The following SLC2A3 variants were observed in gnomAD, a reference collection of about 807,000 sequenced individuals.
SLC2A3 encodes solute carrier family 2, facilitated glucose transporter member 3.
A neutral mutation model predicts 46.4 loss-of-function variants in SLC2A3; 21 were observed. The ratio of observed to expected loss-of-function variants is 0.45; its 90% confidence interval spans 0.32 to 0.65. The LOEUF (loss-of-function observed/expected upper bound fraction) is 0.65. SLC2A3 is among the 30% of genes least tolerant of loss of function. SLC2A3 has a pLI of 0.04. For synonymous variants in SLC2A3, 213 were observed against 239.4 expected (o/e 0.89, Z 1.02); for missense variants, 499 against 623.3 (o/e 0.80, Z 2.12).
Position 7,920,544 on chromosome 12 carries a change from C to G in SLC2A3, c.*869G>C, listed in dbSNP as rs1946026162. On this transcript the variant is annotated 3_prime_UTR_variant, in exon 10 of 10. Coordinates refer to ENST00000075120, the MANE Select transcript of SLC2A3 (RefSeq NM_006931.3). Reference sequence around the variant, plus strand: ...AACTATTATCTTAAAGAAAAAAGCTCCAAAGGAAATCAGTAGCTTTATTAT... The same window carrying G: ...AACTATTATCTTAAAGAAAAAAGCTGCAAAGGAAATCAGTAGCTTTATTAT... 1 of 152,024 alleles carries G rather than the reference C, an allele frequency of 6.6e-6. No individual in the cohort carries two copies. The highest frequency in any genetic ancestry group is 6.6e-5 in the Admixed American group (1 of 15,244). 9.4% of individuals were successfully genotyped at this position (152,024 alleles called of 1,614,324 possible). A position where few individuals can be genotyped will look rare whatever the true frequency, so the allele number is the denominator to read the frequency against.
rs772073924 is a variant in SLC2A3 at position 7,921,393 on chromosome 12, G to C, written c.*20C>G. ...GAGGTGGCTTTCCCATGCCGGGAGG[G>C]AGGTGGAAGGAGGCACGACTTAGAC... On this transcript the variant is annotated 3_prime_UTR_variant, in exon 10 of 10. Coordinates refer to ENST00000075120, the MANE Select transcript of SLC2A3 (RefSeq NM_006931.3). 10 of 1,613,876 alleles carry C rather than the reference G, an allele frequency of 6.2e-6. No individual in the cohort carries two copies. The highest frequency in any genetic ancestry group is 3.3e-5 in the Admixed American group (2 of 60,002).
Position 7,928,533 on chromosome 12 carries a change from C to T in SLC2A3, c.861+1151G>A, listed in dbSNP as rs184864540. On this transcript the variant is annotated intron_variant, in intron 6 of 9. Coordinates refer to ENST00000075120, the MANE Select transcript of SLC2A3 (RefSeq NM_006931.3). ...TTGCAGGGCCTGGACTGTGGTGAGG[C>T]AGCTAGGGAGTTGCCTCAGGTGCAT... 2.6e-5 allele frequency among the ~76,000 whole-genome samples: 4 copies of T among 152,144 alleles called. No homozygotes were observed. In the East Asian group the frequency reaches 5.8e-4, roughly 22 times the overall value.
chr12:7,922,174 G>C (rs773805690), intron 9 of SLC2A3, among the ~76,000 whole-genome samples: 1 of 152,004 alleles, frequency 6.6e-6, no homozygotes, highest in Non-Finnish European at 1.5e-5. Flanking sequence ...GTGTGCTACC[G>C]CAATGGTGTG....
Position 7,919,667 on chromosome 12 carries a change from T to G in SLC2A3, c.*1746A>C, listed in dbSNP as rs1371204927. ...GAACCCCTGACCGCCCGCCTAGGCC[T>G]CCCAAAGTGCTGGGATTACAGGCGT... On this transcript the variant is annotated 3_prime_UTR_variant, in exon 10 of 10. Transcript: ENST00000075120. 2 of 152,222 alleles carry G rather than the reference T, an allele frequency of 1.3e-5. No homozygotes were observed. The highest frequency in any genetic ancestry group is 2.9e-5 in the Non-Finnish European group (2 of 68,100). 9.4% of individuals were successfully genotyped at this position (152,222 alleles called of 1,614,324 possible).
intron 6 of SLC2A3, among the ~76,000 whole-genome samples, chr12:7,926,842 T>C (rs1431308531): frequency 3.3e-5 from 5 of 152,294 alleles, no homozygotes; most frequent in Middle Eastern, 3.4e-3. Flanking sequence ...TAATACCAGC[T>C]ACTAATGCAA....
At chr12:7,930,729 C>T in intron 4 of SLC2A3, 87 bp from the exon 5 acceptor site, 1 of 1,342,120 alleles carries the variant, frequency 7.5e-7, no homozygotes, top group South Asian at 1.5e-5. Context: ...GAAAATCATA[C>T]ATTCTTTTAC....
Position 7,922,791 on chromosome 12 carries a change from C to T in SLC2A3, c.1272+30G>A, listed in dbSNP as rs201229664. 17 of 1,613,346 alleles carry T rather than the reference C, an allele frequency of 1.1e-5. 1 individual carries two copies. The Admixed American group carries it at 1.7e-4, about 16-fold the overall frequency. ...GTATCTTCATGTCAGCTTACATAGG[C>T]TGGTTTTAAGATAAGGTGAGTTTAC... On this transcript the variant is annotated intron_variant, in intron 9 of 9. Coordinates refer to ENST00000075120, the MANE Select transcript of SLC2A3 (RefSeq NM_006931.3).
At position 7,920,293 on chromosome 12, in the gene SLC2A3, T is replaced by C. The variant is rs772136179; in HGVS notation, c.*1120A>G. The stretch of plus-strand genomic sequence containing the variant: ...AATCTCTACCAAGAACCAATTATTT[T>C]AGGTTTCTTATTTGGATGGCTCTCC... On this transcript the variant is annotated 3_prime_UTR_variant, in exon 10 of 10. Coordinates refer to ENST00000075120, the MANE Select transcript of SLC2A3 (RefSeq NM_006931.3). 4 of 152,050 alleles carry C rather than the reference T, an allele frequency of 2.6e-5. No individual in the cohort carries two copies. Among genetic ancestry groups the C allele is most frequent in the African/African-American group, 4.8e-5 (2 of 41,332 alleles). 9.4% of individuals were successfully genotyped at this position (152,050 alleles called of 1,614,324 possible).
At chr12:7,928,588 A>T (rs1187341936) in intron 6 of SLC2A3, among the ~76,000 whole-genome samples, 1 of 151,768 alleles carries the variant, frequency 6.6e-6, no homozygotes, top group Non-Finnish European at 1.5e-5. Flanking sequence ...TCTTTTTTTA[A>T]ACAGGCACAG....
At chr12:7,927,929 A>G (rs1424709020) in intron 6 of SLC2A3, among the ~76,000 whole-genome samples, 1 of 151,794 alleles carries the variant, frequency 6.6e-6, no homozygotes, top group Admixed American at 6.6e-5. Context: ...CTCTACTAAA[A>G]ATACGAAAAA....
At position 7,933,821 on chromosome 12, in the gene SLC2A3, C is replaced by G. The variant is rs780728691; in HGVS notation, c.97G>C (p.Ala33Pro). The G allele has an allele frequency of 1.9e-6, 3 of 1,613,564 alleles. No homozygotes were observed. The highest frequency in any genetic ancestry group is 2.5e-6 in the Non-Finnish European group (3 of 1,179,598). Reference sequence around the variant, plus strand: ...GGCCTGGCACTCACCTTCTCAGGAGCATTGATGACCCCAGTGTTGTAGCCA... The same window carrying G: ...GGCCTGGCACTCACCTTCTCAGGAGGATTGATGACCCCAGTGTTGTAGCCA... ...QFGYNTGVIN[A>P]PEKIIKEFIN... is the part of the protein sequence containing the mutation. Residue 33 changes from alanine (A) to proline (P), a missense_variant, in exon 2 of 10, where the codon GCT (alanine) becomes CCT (proline). Around this residue, in one of 5 missense-constraint regions of SLC2A3, gnomAD observed 248 missense variants for 284.0 expected, o/e 0.87. Transcript: ENST00000075120.
In SLC2A3 at chr12:7,924,505, G is replaced by A. The variant is rs1946074060; in HGVS notation, c.973C>T (p.Leu325=). The A allele has an allele frequency of 2.5e-6, 4 of 1,595,502 alleles. No individual in the cohort carries two copies. The highest frequency in any genetic ancestry group is 8.5e-7 in the Non-Finnish European group (1 of 1,174,140). ...GTCCTTCTTCCTGCCCTTTCCACCA[G>A]AAATAGCTGGAAGAAGAATATGACA... The part of the protein sequence containing the change: ...NTIFTVVSLF[L]VERAGRRTLH... Residue 325 remains leucine (L), a synonymous_variant, in exon 8 of 10, where the codon CTG becomes TTG. Transcript: ENST00000075120.
At chr12:7,928,407 AAG>A (rs1946117382) in intron 6 of SLC2A3, among the ~76,000 whole-genome samples, 1 of 151,924 alleles carries the variant, frequency 6.6e-6, no homozygotes, top group Admixed American at 6.6e-5. Flanking sequence ...CAAAAAAAAA[AAG>A]AATGTACACA....
chr12:7,929,953 G>T (rs2121194150), intron 5 of SLC2A3, 82 bp from the exon 6 acceptor site: 6 of 1,584,132 alleles, frequency 3.8e-6, no homozygotes, highest in African/African-American at 2.7e-5. Context: ...GCCAGGAAAG[G>T]GCCGCACGAG....
chr12:7,922,322 C>T (rs989096290), intron 9 of SLC2A3, among the ~76,000 whole-genome samples: 22 of 152,104 alleles, frequency 1.4e-4, no homozygotes, highest in African/African-American at 4.8e-4. Context: ...GCCTAGGCCT[C>T]TCAAAGTGCT....
At chr12:7,932,175 G>A (rs1946163050) in intron 3 of SLC2A3, among the ~76,000 whole-genome samples, 3 of 150,702 alleles carry the variant, frequency 2.0e-5, no homozygotes, top group African/African-American at 7.3e-5. Context: ...CCACGGCACC[G>A]GCTTTTTTTT....
intron 8 of SLC2A3, among the ~76,000 whole-genome samples, chr12:7,923,927 C>G (rs1011250559): frequency 6.6e-6 from 1 of 151,956 alleles, no homozygotes; most frequent in African/African-American, 2.4e-5. Flanking sequence ...CACCACCACT[C>G]CTGGCTAATT....
Position 7,931,490 on chromosome 12 carries a change from A to G in SLC2A3, c.270-5T>C, listed in dbSNP as rs1339937605. On this transcript the variant is annotated splice_polypyrimidine_tract_variant and splice_region_variant and intron_variant, in intron 3 of 9. Transcript: ENST00000075120. ...ACAATCAGCATTGAATTGCGCCTGT[A>G]AGGTTAATCAAAGACAAAGTAGAAT... The G allele has an allele frequency of 4.3e-6, 7 of 1,614,012 alleles. No individual in the cohort carries two copies. The highest frequency in any genetic ancestry group is 5.9e-6 in the Non-Finnish European group (7 of 1,179,870).
chr12:7,930,318 T>C, intron 5 of SLC2A3, 162 bp downstream of exon 5: 1 of 744,112 alleles, frequency 1.3e-6, no homozygotes, highest in Non-Finnish European at 2.1e-6. Context: ...TTTCACCTCA[T>C]TCTTTAGGGG....
Sources: gnomAD v4.1 joint callset for allele counts (sites outside exome capture counted in the v4.1 genomes callset) on GRCh38, gnomAD v4.1.1 for gene constraint, gnomAD v4.1.1 regional missense constraint, MANE v1.5 for transcripts, NCBI Gene and HGNC (gene_info 2026-07-23, HGNC 2026-07-21) for gene names.